The following DLG2 variants were observed in gnomAD, a reference collection of about 807,000 sequenced individuals.
DLG2 encodes discs large MAGUK scaffold protein 2, also known as disks large homolog 2.
Under a neutral mutation model 132.5 loss-of-function variants are expected in DLG2, and 45 were observed. The observed-to-expected ratio is 0.34, with a 90% CI of 0.27 to 0.44. The LOEUF (loss-of-function observed/expected upper bound fraction) is 0.44. Among genes scored for constraint, DLG2 ranks in the 20% least tolerant of loss-of-function variants. The pLI is 1.00. For missense variants in DLG2, 1,045 were observed against 1,196.9 expected (o/e 0.87, Z 1.87); for synonymous variants, 424 against 419.6 (o/e 1.01, Z -0.13).
At chr11:83,532,195 ATATG>A (rs2095766488) in intron 21 of DLG2, among the ~76,000 whole-genome samples, 1 of 152,090 alleles carries the variant, frequency 6.6e-6, no homozygotes, top group Admixed American at 6.6e-5. Flanking sequence ...GTACACATGT[ATATG>A]TGAGTAAATA....
rs1289323799 is a variant in DLG2, at chr11:83,887,734, C to T, written c.1497-13246G>A. On this transcript the variant is annotated intron_variant, in intron 15 of 27. Coordinates refer to ENST00000376104, the MANE Select transcript of DLG2 (RefSeq NM_001142699.3). Reference sequence around the variant, plus strand: ...TGGCAAACCGAATCCAGCAGCACATCAAAAAGCTTATCCACCATGATCAAG... The same window carrying T: ...TGGCAAACCGAATCCAGCAGCACATTAAAAAGCTTATCCACCATGATCAAG... Among the ~76,000 whole-genome samples, 11 of 148,610 alleles carry T rather than the reference C, an allele frequency of 7.4e-5. No individual in the cohort carries two copies. The South Asian group carries it at 2.2e-3, about 30-fold the overall frequency.
At chr11:85,397,201 T>A (rs2087478946) in intron 3 of DLG2, among the ~76,000 whole-genome samples, 1 of 152,156 alleles carries the variant, frequency 6.6e-6, no homozygotes, top group African/African-American at 2.4e-5. Flanking sequence ...GAATGAGAAA[T>A]AAAATCCTTT....
chr11:84,858,901 A>C (rs565402477), intron 6 of DLG2, among the ~76,000 whole-genome samples: 104 of 152,074 alleles, frequency 6.8e-4, no homozygotes, highest in Non-Finnish European at 1.4e-3. Context: ...ACATCATGGG[A>C]AATAGTAGAA....
chr11:84,499,874 G>T (rs1275213620), intron 7 of DLG2, among the ~76,000 whole-genome samples: 1 of 152,024 alleles, frequency 6.6e-6, no homozygotes, highest in Non-Finnish European at 1.5e-5. Context: ...CTAGAGTCAG[G>T]TTACTTCCGT....
chr11:85,442,481 T>A (rs954066828), intron 3 of DLG2, among the ~76,000 whole-genome samples: 1 of 151,920 alleles, frequency 6.6e-6, no homozygotes, highest in Non-Finnish European at 1.5e-5. Context: ...CTCATCAGAG[T>A]TTAGCATGAG....
intron 7 of DLG2, among the ~76,000 whole-genome samples, chr11:84,362,106 G>C (rs1600639771): frequency 6.6e-6 from 1 of 151,844 alleles, no homozygotes; most frequent in Non-Finnish European, 1.5e-5. Flanking sequence ...GAGATTGATG[G>C]ATTGAATAAA....
intron 6 of DLG2, among the ~76,000 whole-genome samples, chr11:84,866,613 T>C (rs2084613323): frequency 6.6e-6 from 1 of 152,200 alleles, no homozygotes; most frequent in African/African-American, 2.4e-5. Flanking sequence ...TGAACTACAC[T>C]GTTCTCATTG....
At chr11:84,402,881 CAAA>C (rs34476380) in intron 7 of DLG2, among the ~76,000 whole-genome samples, 6 of 73,864 alleles carry the variant, frequency 8.1e-5, no homozygotes, top group South Asian at 4.4e-4. Context: ...AACTCCGTCT[CAAA>C]AAAAAAAAAA....
intron 6 of DLG2, among the ~76,000 whole-genome samples, chr11:84,815,660 G>C (rs750113757): frequency 6.6e-6 from 1 of 151,984 alleles, no homozygotes; most frequent in Non-Finnish European, 1.5e-5. Context: ...TGAAAATTAA[G>C]AGTCTAAGGA....
At chr11:84,673,057 G>T (rs2099707624) in intron 6 of DLG2, among the ~76,000 whole-genome samples, 1 of 151,844 alleles carries the variant, frequency 6.6e-6, no homozygotes, top group African/African-American at 2.4e-5. Context: ...TAGCACCAAG[G>T]GGGAAATTGA....
At chr11:84,053,559 C>A (rs2096442424) in intron 11 of DLG2, among the ~76,000 whole-genome samples, 1 of 151,754 alleles carries the variant, frequency 6.6e-6, no homozygotes, top group East Asian at 1.9e-4. Context: ...TCCCCTTCTG[C>A]CAAATATGGT....
At chr11:84,359,882 T>G (rs1000873705) in intron 7 of DLG2, among the ~76,000 whole-genome samples, 2 of 151,968 alleles carry the variant, frequency 1.3e-5, no homozygotes, top group Non-Finnish European at 2.9e-5. Flanking sequence ...GGCAATTCAG[T>G]TCATCGAACT....
intron 6 of DLG2, among the ~76,000 whole-genome samples, chr11:84,692,072 C>G (rs1173966197): frequency 6.6e-6 from 1 of 151,670 alleles, no homozygotes; most frequent in Non-Finnish European, 1.5e-5. Flanking sequence ...CACCACCAGA[C>G]CAGAAAATTT....
intron 7 of DLG2, among the ~76,000 whole-genome samples, chr11:84,253,365 T>C (rs910363700): frequency 6.6e-6 from 1 of 152,152 alleles, no homozygotes; most frequent in South Asian, 2.1e-4. Context: ...AGAATGGGAA[T>C]AGTAGTAACA....
At chr11:84,996,809 C>T (rs753548032) in intron 6 of DLG2, among the ~76,000 whole-genome samples, 1 of 152,068 alleles carries the variant, frequency 6.6e-6, no homozygotes, top group Non-Finnish European at 1.5e-5. Context: ...ATGAGATTAC[C>T]AGTGAAATCT....
chr11:84,959,671 A>G (rs1281867528), intron 6 of DLG2, among the ~76,000 whole-genome samples: 2 of 152,228 alleles, frequency 1.3e-5, no homozygotes, highest in Non-Finnish European at 2.9e-5. Context: ...ATAATATATC[A>G]CATTGATGTT....
At chr11:85,545,888 T>G (rs2076287450) in intron 3 of DLG2, among the ~76,000 whole-genome samples, 1 of 152,206 alleles carries the variant, frequency 6.6e-6, no homozygotes, top group African/African-American at 2.4e-5. Context: ...TCTTTTCTTC[T>G]TTATTAGTCT....
chr11:83,551,291 C>T (rs971623020), intron 19 of DLG2, among the ~76,000 whole-genome samples: 4 of 152,112 alleles, frequency 2.6e-5, no homozygotes, highest in African/African-American at 9.7e-5. Context: ...TACTGTTACT[C>T]ACTGGAATAT....
Position 83,618,018 on chromosome 11 carries a change from C to T in DLG2, c.1940+15193G>A, listed in dbSNP as rs1247813031. 2.6e-5 allele frequency among the ~76,000 whole-genome samples: 4 copies of T among 152,012 alleles called. No individual in the cohort carries two copies. In the East Asian group the frequency reaches 7.7e-4, roughly 29 times the overall value. On this transcript the variant is annotated intron_variant, in intron 19 of 27. Coordinates refer to ENST00000376104, the MANE Select transcript of DLG2 (RefSeq NM_001142699.3). The stretch of plus-strand genomic sequence containing the variant: ...TCTCAAAAAAAAGTACAATGTTTGC[C>T]TTTTATTAGATTTAGGAAGCCCATT...
Sources: allele counts gnomAD v4.1 joint callset (sites outside exome capture counted in the v4.1 genomes callset), GRCh38; gene constraint gnomAD v4.1.1; transcripts MANE v1.5; gene names NCBI Gene and HGNC (gene_info 2026-07-23, HGNC 2026-07-21).